The following ABCA13 variants were observed in gnomAD, a reference collection of about 807,000 sequenced individuals.
ABCA13 encodes the protein ATP binding cassette subfamily A member 13, also known as ATP-binding cassette sub-family A member 13.
In ABCA13, 476 loss-of-function variants were observed where a neutral mutation model predicts 478.7. That is an observed-to-expected ratio of 0.99 (90% CI 0.92 to 1.07). The LOEUF is 1.07. Among genes scored for constraint, ABCA13 ranks in the 50% least tolerant of loss-of-function variants. ABCA13 has a pLI of 0.00. For missense variants in ABCA13, 6,060 were observed against 5,910.6 expected (o/e 1.03, Z -0.83); for synonymous variants, 2,252 against 2,158.9 (o/e 1.04, Z -1.20).
In ABCA13 at chr7:48,234,020, C is replaced by T. The variant is rs780624607; in HGVS notation, c.766C>T (p.Pro256Ser). 2 of 1,613,788 alleles carry T rather than the reference C, an allele frequency of 1.2e-6. No individual in the cohort carries two copies. The highest frequency in any genetic ancestry group is 1.1e-5 in the South Asian group (1 of 91,056). Reference sequence around the variant, plus strand: ...TAAATCTTTTGTTATTCCAACAGAGCCAGTTTACCACCTGTCCATGCAGAA... The same window carrying T: ...TAAATCTTTTGTTATTCCAACAGAGTCAGTTTACCACCTGTCCATGCAGAA... ...LQQHGVAVTE[P>S]VYHLSMQNIV... The change falls in exon 8 of 62, where the codon CCA becomes TCA. Residue 256 changes from proline to serine, a missense_variant and splice_region_variant. Coordinates refer to ENST00000435803, the MANE Select transcript of ABCA13 (RefSeq NM_152701.5).
At chr7:48,175,291 T>C (rs144839193) in intron 1 of ABCA13, among the ~76,000 whole-genome samples, 79,858 of 151,782 alleles carry the variant, frequency 0.53, 21,299 homozygotes, top group Admixed American at 0.63. Context: ...TACATAGTGA[T>C]GTTTCAATAC....
At position 48,416,940 on chromosome 7, in the gene ABCA13, CT is replaced by C. The variant is rs34991265; in HGVS notation, c.12459+4370del. On this transcript the variant is annotated intron_variant, in intron 41 of 61. Coordinates refer to ENST00000435803, the MANE Select transcript of ABCA13 (RefSeq NM_152701.5). ...AATCTCACTGCATCACTGCATATAC[CT>C]TTTTTTTTTTTTAAACAGGAGTTAC... Among the ~76,000 whole-genome samples the C allele has an allele frequency of 3.9e-3, 577 of 146,396 alleles. 1 individual carries two copies. The highest frequency in any genetic ancestry group is 0.011 in the Middle Eastern group (3 of 276).
chr7:48,293,198 C>CCCCG (rs891287185), intron 20 of ABCA13, among the ~76,000 whole-genome samples: 4 of 134,772 alleles, frequency 3.0e-5, no homozygotes, highest in South Asian at 2.8e-4. Flanking sequence ...TTCAGCCCCC[C>CCCCG]CCCCGCCACA....
At chr7:48,369,451 A>G (rs1367071979) in intron 32 of ABCA13, among the ~76,000 whole-genome samples, 1 of 152,140 alleles carries the variant, frequency 6.6e-6, no homozygotes, top group South Asian at 2.1e-4. Flanking sequence ...GTTCTTGGTC[A>G]TGAAGTATTT....
intron 59 of ABCA13, among the ~76,000 whole-genome samples, chr7:48,627,250 ACT>A (rs1049687975): frequency 6.6e-6 from 1 of 152,052 alleles, no homozygotes; most frequent in Non-Finnish European, 1.5e-5. Context: ...CAATTTCTTG[ACT>A]CTAAGTTTCT....
chr7:48,391,160 G>A (rs1360879129), intron 37 of ABCA13, among the ~76,000 whole-genome samples: 1 of 152,120 alleles, frequency 6.6e-6, no homozygotes, highest in Non-Finnish European at 1.5e-5. Context: ...AGACTATCCC[G>A]GGAGCAGCGG....
intron 3 of ABCA13, among the ~76,000 whole-genome samples, chr7:48,219,102 A>G (rs1786943611): frequency 6.6e-6 from 1 of 152,242 alleles, no homozygotes; most frequent in Non-Finnish European, 1.5e-5. Flanking sequence ...GCTTATAAAC[A>G]TAAAATGGCT....
rs752658494 is a variant in ABCA13, at chr7:48,587,176, G to A, written c.14528G>A (p.Arg4843His). ...CAGGTTGCTGGAGACCTCATCAGGC[G>A]CTTACACCTCGAAGCCCACGCGGAC... ...IPEVAGDLIR[R>H]LHLEAHADKP... Residue 4843 changes from arginine (R) to histidine (H), a missense_variant, in exon 57 of 62, where the codon CGC (arginine) becomes CAC (histidine). Arg to His is a conservative substitution (Grantham distance 29). Transcript: ENST00000435803. The A allele has an allele frequency of 1.6e-5, 26 of 1,612,904 alleles. No homozygotes were observed. The highest frequency in any genetic ancestry group is 1.6e-4 in the Middle Eastern group (1 of 6,082).
intron 15 of ABCA13, among the ~76,000 whole-genome samples, chr7:48,254,419 A>G (rs1793074255): frequency 6.6e-6 from 1 of 152,048 alleles, no homozygotes; most frequent in South Asian, 2.1e-4. Context: ...TTATACCACC[A>G]TTTGCAGCTA....
chr7:48,333,847 T>A (rs1477022641), intron 27 of ABCA13, among the ~76,000 whole-genome samples: 1 of 152,166 alleles, frequency 6.6e-6, no homozygotes. Context: ...GGGCAGCCAG[T>A]GTTTCCAGGC....
Position 48,412,399 on chromosome 7 carries a change from C to G in ABCA13, c.12275C>G (p.Thr4092Arg). ...AHDLKDMACV[T>R]SLIKIYIPQA... ...GATCTGAAAGACATGGCTTGTGTTA[C>G]ATCCCTGATAAAGATCTATATTCCA... Residue 4092 changes from threonine (T) to arginine (R), a missense_variant, in exon 41 of 62, where the codon ACA becomes AGA. Physicochemically the swap from Thr to Arg is moderately conservative, Grantham distance 71 (BLOSUM62 -1). Around this residue, in one of 3 missense-constraint regions of ABCA13, gnomAD observed 1,627 missense variants for 1,571.0 expected, o/e 1.04. Transcript: ENST00000435803. The G allele has an allele frequency of 6.2e-7, 1 of 1,613,304 alleles. No homozygotes were observed. Among genetic ancestry groups the G allele is most frequent in the Non-Finnish European group, 8.5e-7 (1 of 1,179,704 alleles).
rs1277412196 is a variant in ABCA13 at position 48,587,222 on chromosome 7, T to TG, written c.14579dup (p.Thr4861AsnfsTer16). ...CGGACAAACCTGTGGCCACCTACAGTGGGGGAACCAAGCGGAAACTCTCTA... is the reference window on the plus strand; with the variant it reads ...CGGACAAACCTGTGGCCACCTACAGTGGGGGGAACCAAGCGGAAACTCTCTA... On this transcript the variant is annotated frameshift_variant, in exon 57 of 62. Transcript: ENST00000435803. LOFTEE classifies it high-confidence loss of function. The TG allele has an allele frequency of 6.2e-7, 1 of 1,612,642 alleles. No individual in the cohort carries two copies. Among genetic ancestry groups the TG allele is most frequent in the South Asian group, 1.1e-5 (1 of 90,680 alleles).
At chr7:48,608,651 A>G (rs1208947433) in intron 58 of ABCA13, among the ~76,000 whole-genome samples, 3 of 152,260 alleles carry the variant, frequency 2.0e-5, no homozygotes, top group Non-Finnish European at 4.4e-5. Flanking sequence ...CAGCTGGGGC[A>G]GAGAAGCTGC....
At chr7:48,483,283 A>G (rs1828963269) in intron 47 of ABCA13, 120 bp downstream of exon 47, 1 of 813,908 alleles carries the variant, frequency 1.2e-6, no homozygotes, top group Non-Finnish European at 1.9e-6. Context: ...ATTTGTTACT[A>G]AGCATCAAGG....
chr7:48,347,175 G>A (rs1363522338), intron 29 of ABCA13, among the ~76,000 whole-genome samples: 1 of 152,152 alleles, frequency 6.6e-6, no homozygotes, highest in Non-Finnish European at 1.5e-5. Context: ...TGGTGTTCCA[G>A]GGCCCATGGA....
Position 48,580,269 on chromosome 7 carries a change from T to A in ABCA13, c.14400T>A (p.Ile4800=). The change falls in exon 56 of 62, where the codon ATT becomes ATA. Residue 4800 remains isoleucine, a synonymous_variant. Transcript: ENST00000435803. The stretch of plus-strand genomic sequence containing the variant: ...CTGCTGGCACGGCAGGCGTGCTCAT[T>A]GGCTACTGTCCCCAGCAGGATGCCC... ...LSSAGTAGVL[I]GYCPQQDALD... 5 of 1,611,790 alleles carry A rather than the reference T, an allele frequency of 3.1e-6. No individual in the cohort carries two copies. The highest frequency in any genetic ancestry group is 4.2e-6 in the Non-Finnish European group (5 of 1,179,066).
At chr7:48,483,680 C>T (rs939875223) in intron 47 of ABCA13, among the ~76,000 whole-genome samples, 1 of 152,146 alleles carries the variant, frequency 6.6e-6, no homozygotes, top group African/African-American at 2.4e-5. Context: ...GATTCTTCAG[C>T]TTTGAGAGAA....
chr7:48,207,236 C>T (rs1017309632), intron 3 of ABCA13, among the ~76,000 whole-genome samples: 38 of 151,618 alleles, frequency 2.5e-4, no homozygotes, highest in African/African-American at 9.0e-4. Context: ...CATAGCTTGG[C>T]TGTTTTGAAT....
At chr7:48,173,867 GT>G (rs1438633289) in intron 1 of ABCA13, among the ~76,000 whole-genome samples, 2 of 152,216 alleles carry the variant, frequency 1.3e-5, no homozygotes, top group African/African-American at 4.8e-5. Flanking sequence ...AGTGGGAGCT[GT>G]TTTCTTATTT....
Sources: gnomAD v4.1 joint callset for allele counts (sites outside exome capture counted in the v4.1 genomes callset) on GRCh38, gnomAD v4.1.1 for gene constraint, gnomAD v4.1.1 regional missense constraint, MANE v1.5 for transcripts, NCBI Gene and HGNC (gene_info 2026-07-23, HGNC 2026-07-21) for gene names.